The following NGEF variants were observed in gnomAD, a reference collection of about 807,000 sequenced individuals.
The protein encoded by NGEF is neuronal guanine nucleotide exchange factor, also known as ephexin-1.
A neutral mutation model predicts 80.9 loss-of-function variants in NGEF; 31 were observed. That is an observed-to-expected ratio of 0.38 (90% CI 0.29 to 0.52). The LOEUF is 0.52. NGEF is among the 20% of genes least tolerant of loss of function. The probability of loss-of-function intolerance (pLI) is 0.84; values close to 1 mark genes in which losing one functional copy is unlikely to be tolerated. For missense variants in NGEF, 709 were observed against 926.2 expected, an observed-to-expected ratio of 0.77 and a Z score of 3.04; for synonymous variants, 371 against 370.2, an observed-to-expected ratio of 1.00 and a Z score of -0.03.
intron 1 of NGEF, among the ~76,000 whole-genome samples, chr2:233,009,334 T>C (rs1402292400): frequency 3.9e-5 from 6 of 152,180 alleles, no homozygotes; most frequent in South Asian, 2.1e-4. Context: ...CTTCTATCCA[T>C]GTTGCTGCCC....
At chr2:232,914,136 G>C (rs72617186) in intron 5 of NGEF, among the ~76,000 whole-genome samples, 7,580 of 152,220 alleles carry the variant, frequency 0.05, 345 homozygotes, top group East Asian at 0.24. Context: ...TTTACACAGT[G>C]TCTATAGCTG....
At chr2:233,009,396 T>C (rs550973437) in intron 1 of NGEF, among the ~76,000 whole-genome samples, 2 of 152,224 alleles carry the variant, frequency 1.3e-5, no homozygotes, top group East Asian at 3.9e-4. Flanking sequence ...GTCTTGCTAT[T>C]TTGCCCAGGC....
At chr2:232,991,878 G>A (rs191974205) in intron 1 of NGEF, among the ~76,000 whole-genome samples, 2 of 152,324 alleles carry the variant, frequency 1.3e-5, no homozygotes, top group African/African-American at 4.8e-5. Flanking sequence ...CACAGGATAG[G>A]CATTTAGGTC....
intron 3 of NGEF, among the ~76,000 whole-genome samples, chr2:232,960,447 C>T (rs1043572395): frequency 8.5e-5 from 13 of 152,256 alleles, no homozygotes; most frequent in African/African-American, 2.9e-4. Context: ...CCCTCCTTCT[C>T]ATAGCCGTGA....
At chr2:232,899,972 A>G (rs2921704) in intron 5 of NGEF, among the ~76,000 whole-genome samples, 58,018 of 88,960 alleles carry the variant, frequency 0.65, 19,756 homozygotes, top group Admixed American at 0.71. Context: ...TCACTCATAT[A>G]CACATTCACT....
intron 5 of NGEF, among the ~76,000 whole-genome samples, chr2:232,899,335 A>G (rs1003168584): frequency 2.0e-5 from 3 of 152,042 alleles, no homozygotes; most frequent in African/African-American, 7.3e-5. Context: ...TGGTCTGGGA[A>G]TGGCGCTCTC....
intron 1 of NGEF, among the ~76,000 whole-genome samples, 200 bp from the exon 2 acceptor site, chr2:232,975,164 TG>T (rs1448245583): frequency 6.6e-6 from 1 of 152,252 alleles, no homozygotes; most frequent in Non-Finnish European, 1.5e-5. Context: ...AATTGCCGTT[TG>T]TTTACATTAT....
In NGEF at chr2:232,974,923, A is replaced by G. The variant is rs372760020; in HGVS notation, c.-33T>C. ...GAGCCAGATGTTTCTCAGCAGAACGACTGGAGGTCAATGACTTTCCCAAGC... is the reference window on the plus strand; with the variant it reads ...GAGCCAGATGTTTCTCAGCAGAACGGCTGGAGGTCAATGACTTTCCCAAGC... On this transcript the variant is annotated 5_prime_UTR_variant, in exon 2 of 15. Coordinates refer to ENST00000264051, the MANE Select transcript of NGEF (RefSeq NM_019850.3). 104 of 1,597,286 alleles carry G rather than the reference A, an allele frequency of 6.5e-5. No homozygotes were observed. Among genetic ancestry groups the G allele is most frequent in the Non-Finnish European group, 8.9e-5 (104 of 1,173,448 alleles).
chr2:232,936,773 T>C (rs954942884), intron 3 of NGEF, among the ~76,000 whole-genome samples: 1 of 152,218 alleles, frequency 6.6e-6, no homozygotes, highest in African/African-American at 2.4e-5. Flanking sequence ...GATTTAACTC[T>C]GTATCCTTTC....
intron 5 of NGEF, among the ~76,000 whole-genome samples, chr2:232,895,481 C>A (rs919983162): frequency 7.3e-5 from 11 of 150,722 alleles, no homozygotes; most frequent in African/African-American, 2.4e-4. Flanking sequence ...GAGCCCAGAT[C>A]ACGCCACTGC....
intron 3 of NGEF, among the ~76,000 whole-genome samples, chr2:232,935,130 C>T (rs981583321): frequency 5.3e-5 from 8 of 152,020 alleles, no homozygotes; most frequent in Non-Finnish European, 1.0e-4. Flanking sequence ...GTTATAAAAG[C>T]TAAACATTGG....
At chr2:232,938,424 G>T (rs1225149424) in intron 3 of NGEF, among the ~76,000 whole-genome samples, 1 of 152,182 alleles carries the variant, frequency 6.6e-6, no homozygotes, top group Non-Finnish European at 1.5e-5. Context: ...ATGCTTGTGT[G>T]TTTATCTGAA....
At chr2:232,962,631 CA>C (rs35163298) in intron 3 of NGEF, among the ~76,000 whole-genome samples, 1 of 151,420 alleles carries the variant, frequency 6.6e-6, no homozygotes, top group Non-Finnish European at 1.5e-5. Context: ...TACATACTAC[CA>C]AAAAATGATT....
chr2:232,917,635 A>T lies in NGEF; in HGVS notation c.828+2649T>A, dbSNP rs941958195. On this transcript the variant is annotated intron_variant, in intron 5 of 14. Transcript: ENST00000264051. ...CAGGGACCCGCCACCACGCCTGGCT[A>T]ATTTTTTGTATTTTTAGTAGATGAA... 2.0e-5 allele frequency among the ~76,000 whole-genome samples: 3 copies of T among 152,052 alleles called. No homozygotes were observed. In the South Asian group the frequency reaches 6.2e-4, roughly 32 times the overall value.
At chr2:232,887,212 C>G in intron 9 of NGEF, among the ~76,000 whole-genome samples, 1 of 152,362 alleles carries the variant, frequency 6.6e-6, no homozygotes, top group East Asian at 1.9e-4. Context: ...TGGAGGTGCC[C>G]TAGCACAGCT....
intron 1 of NGEF, among the ~76,000 whole-genome samples, chr2:232,998,072 A>AGGTGGT (rs1286635743): frequency 6.6e-6 from 1 of 152,174 alleles, no homozygotes; most frequent in Non-Finnish European, 1.5e-5. Flanking sequence ...CCAGGCCAGA[A>AGGTGGT]GGTGGTGGTG....
At position 233,013,163 on chromosome 2, in the gene NGEF, T is replaced by C; in HGVS notation, c.-170A>G. The C allele has an allele frequency of 2.1e-6, 1 of 471,198 alleles. No individual in the cohort carries two copies. The highest frequency in any genetic ancestry group is 4.4e-6 in the Non-Finnish European group (1 of 227,062). The allele number at this position is 471,198 out of a possible 1,614,324, so 29.2% of individuals were successfully genotyped here. A position where few individuals can be genotyped will look rare whatever the true frequency, so the allele number is the denominator to read the frequency against. On this transcript the variant is annotated 5_prime_UTR_variant, in exon 1 of 15. Transcript: ENST00000264051. The stretch of plus-strand genomic sequence containing the variant: ...AGGCACCTGCGAGCAGGATGGTGTG[T>C]CCCCGGCTAAATCCACAGGCGCTCC...
At chr2:232,966,450 G>A (rs1344748237) in intron 3 of NGEF, among the ~76,000 whole-genome samples, 2 of 152,088 alleles carry the variant, frequency 1.3e-5, no homozygotes, top group African/African-American at 4.8e-5. Context: ...TCCTCCCCTT[G>A]CAGGCTGCTT....
rs1441601993 is a variant in NGEF, at chr2:232,995,404, A to G, written c.-75+17664T>C. On this transcript the variant is annotated intron_variant, in intron 1 of 14. Coordinates refer to ENST00000264051, the MANE Select transcript of NGEF (RefSeq NM_019850.3). Reference sequence around the variant, plus strand: ...AGTATGTATACTGTATACTGTATATATATACACAGTATGTATACTGTATAC... The same window carrying G: ...AGTATGTATACTGTATACTGTATATGTATACACAGTATGTATACTGTATAC... 1.2e-4 allele frequency among the ~76,000 whole-genome samples: 2 copies of G among 17,150 alleles called. 1 individual carries two copies. Among genetic ancestry groups the G allele is most frequent in the Non-Finnish European group, 1.9e-4 (2 of 10,408 alleles). 11.3% of individuals were successfully genotyped at this position (17,150 alleles called of 152,430 possible).
Sources: gnomAD v4.1 joint callset for allele counts (sites outside exome capture counted in the v4.1 genomes callset) on GRCh38, gnomAD v4.1.1 for gene constraint, MANE v1.5 for transcripts, NCBI Gene and HGNC (gene_info 2026-07-23, HGNC 2026-07-21) for gene names.